MACF1: variants seen among roughly 807,000 people sequenced by gnomAD.
MACF1 encodes the protein microtubule-actin cross-linking factor 1.
A neutral mutation model predicts 854.8 loss-of-function variants in MACF1; 193 were observed. The ratio of observed to expected loss-of-function variants is 0.23; its 90% CI spans 0.20 to 0.25. The LOEUF is 0.25. Ranked by LOEUF, MACF1 falls within the 10% of genes least tolerant of loss-of-function variation. The pLI is 1.00. For missense variants in MACF1, 7,722 were observed against 8,929.1 expected, an observed-to-expected ratio of 0.86 and a Z score of 5.45; for synonymous variants, 3,185 against 3,226.7, an observed-to-expected ratio of 0.99 and a Z score of 0.44.
rs1643057190 is a variant in MACF1 at position 39,412,430 on chromosome 1, A to C, written c.15817-9944A>C. On this transcript the variant is annotated intron_variant, in intron 58 of 100. Transcript: ENST00000564288. ...GTTTGTGATGAGGATGGTGAGGCAAAAGAGCTGGATTATCAAGCCACACTT... is the reference window on the plus strand; with the variant it reads ...GTTTGTGATGAGGATGGTGAGGCAACAGAGCTGGATTATCAAGCCACACTT... 2.5e-6 allele frequency: 4 copies of C among 1,613,886 alleles called. No individual in the cohort carries two copies. In the African/African-American group the frequency reaches 4.0e-5, roughly 16 times the overall value.
chr1:39,251,565 C>T (rs1645040705), intron 3 of MACF1, among the ~76,000 whole-genome samples: 1 of 152,184 alleles, frequency 6.6e-6, no homozygotes, highest in African/African-American at 2.4e-5. Flanking sequence ...CCAGATATCT[C>T]TTTGACAGTT....
rs1646734016 is a variant in MACF1 at position 39,331,927 on chromosome 1, C to T, written c.5339C>T (p.Thr1780Ile). Reference protein sequence around the residue: ...LFAGGIVDPRTGHRLTVEEAV... With the variant: ...LFAGGIVDPRIGHRLTVEEAV... Reference sequence around the variant, plus strand: ...GCTGGTGGCATAGTAGATCCAAGAACAGGACACAGACTTACAGTGGAAGAG... The same window carrying T: ...GCTGGTGGCATAGTAGATCCAAGAATAGGACACAGACTTACAGTGGAAGAG... Residue 1780 changes from threonine to isoleucine, a missense_variant, in exon 37 of 101, where the codon ACA (threonine) becomes ATA (isoleucine). This residue lies in a region of MACF1 where 1,531 missense variants were observed against 1,601.6 expected (regional missense o/e 0.96). Transcript: ENST00000564288. 1 of 1,614,016 alleles carries T rather than the reference C, an allele frequency of 6.2e-7. No homozygotes were observed. The highest frequency in any genetic ancestry group is 8.5e-7 in the Non-Finnish European group (1 of 1,180,030).
At chr1:39,305,751 A>C (rs1036642351) in intron 23 of MACF1, among the ~76,000 whole-genome samples, 7 of 152,150 alleles carry the variant, frequency 4.6e-5, no homozygotes, top group African/African-American at 9.7e-5. Flanking sequence ...ACTTAGCTGC[A>C]GTCACTCTGG....
At chr1:39,378,272 G>C (rs961110245) in intron 52 of MACF1, among the ~76,000 whole-genome samples, 189 bp from the exon 53 acceptor site, 1 of 152,220 alleles carries the variant, frequency 6.6e-6, no homozygotes, top group East Asian at 1.9e-4. Context: ...TTCCTGCTAA[G>C]AACCTTGAGT....
At chr1:39,267,502 A>G (rs1054508697) in intron 6 of MACF1, among the ~76,000 whole-genome samples, 2 of 152,238 alleles carry the variant, frequency 1.3e-5, no homozygotes, top group African/African-American at 4.8e-5. Context: ...GAGTACTAGG[A>G]TTATAATAGG....
rs76874313 is a variant in MACF1, at chr1:39,280,945, G to A, written c.529-1263G>A. ...TGTGGGAGTTAGACAAGTAAGAATCGAAGGAAGACCAGCCTTCAAATAAGG... is the reference window on the plus strand; with the variant it reads ...TGTGGGAGTTAGACAAGTAAGAATCAAAGGAAGACCAGCCTTCAAATAAGG... On this transcript the variant is annotated intron_variant, in intron 6 of 100. Transcript: ENST00000564288. 1.7e-3 allele frequency among the ~76,000 whole-genome samples: 260 copies of A among 152,238 alleles called. 8 individuals carry two copies. In the East Asian group the frequency reaches 0.046, roughly 27 times the overall value.
At chr1:39,403,841 C>G (rs67565124) in intron 58 of MACF1, among the ~76,000 whole-genome samples, 2,251 of 62,186 alleles carry the variant, frequency 0.036, 22 homozygotes, top group African/African-American at 0.075. Flanking sequence ...AATTTTTGGG[C>G]GGGGGGGCCG....
chr1:39,477,045 GTATATATATA>G (rs745911075), intron 97 of MACF1, among the ~76,000 whole-genome samples: 1,570 of 63,664 alleles, frequency 0.025, 41 homozygotes, highest in South Asian at 0.039. Context: ...TACACTTAGT[GTATATATATA>G]TATATATATA....
intron 6 of MACF1, chr1:39,269,221 G>C (rs770833011): frequency 3.3e-4 from 422 of 1,289,868 alleles, no homozygotes; most frequent in Non-Finnish European, 4.1e-4. Context: ...TGCAGCAGCA[G>C]GGCTGTGTTG....
chr1:39,379,942 C>A (rs989266113), intron 54 of MACF1, among the ~76,000 whole-genome samples: 2 of 152,130 alleles, frequency 1.3e-5, no homozygotes, highest in Non-Finnish European at 2.9e-5. Context: ...CATCTCATCT[C>A]CTTCAAGATA....
intron 7 of MACF1, among the ~76,000 whole-genome samples, chr1:39,282,718 C>T (rs992266584): frequency 2.0e-5 from 3 of 151,902 alleles, no homozygotes; most frequent in African/African-American, 4.8e-5. Context: ...TTTTGGTGAG[C>T]GTGTTAAAGC....
chr1:39,415,561 CTG>C (rs1424939454), intron 58 of MACF1, among the ~76,000 whole-genome samples: 1 of 147,776 alleles, frequency 6.8e-6, no homozygotes, highest in African/African-American at 2.5e-5. Context: ...ACGGGTTTCA[CTG>C]TGTTAGCCAG....
intron 58 of MACF1, among the ~76,000 whole-genome samples, chr1:39,415,023 A>G (rs908228515): frequency 6.6e-6 from 1 of 152,240 alleles, no homozygotes; most frequent in African/African-American, 2.4e-5. Context: ...AAGATTACCA[A>G]TCACTGGCCA....
chr1:39,249,401 T>C (rs1256158889), intron 2 of MACF1, among the ~76,000 whole-genome samples: 2 of 152,218 alleles, frequency 1.3e-5, no homozygotes, highest in East Asian at 1.9e-4. Flanking sequence ...ATGTGAGAGA[T>C]AGATAACATA....
At chr1:39,394,990 A>G (rs1242232697) in intron 58 of MACF1, among the ~76,000 whole-genome samples, 2 of 151,994 alleles carry the variant, frequency 1.3e-5, no homozygotes, top group Admixed American at 6.6e-5. Context: ...GCTACTCCAA[A>G]TAGGAACTAG....
intron 18 of MACF1, among the ~76,000 whole-genome samples, chr1:39,294,541 AG>A (rs1320195420): frequency 1.3e-5 from 2 of 152,248 alleles, no homozygotes; most frequent in Non-Finnish European, 2.9e-5. Context: ...AACTGAAATT[AG>A]GCTATAACAG....
At chr1:39,130,736 C>T (rs142250791) in intron 2 of MACF1, among the ~76,000 whole-genome samples, 3 of 152,224 alleles carry the variant, frequency 2.0e-5, no homozygotes, top group African/African-American at 7.2e-5. Flanking sequence ...TTCAGAGATT[C>T]CTTGAGAAAA....
chr1:39,420,137 T>C (rs1643478917), intron 58 of MACF1, among the ~76,000 whole-genome samples: 1 of 152,206 alleles, frequency 6.6e-6, no homozygotes, highest in Non-Finnish European at 1.5e-5. Flanking sequence ...AATTTAAATG[T>C]CAATAGCTAT....
intron 6 of MACF1, among the ~76,000 whole-genome samples, chr1:39,270,602 G>T (rs1645297130): frequency 6.6e-6 from 1 of 152,200 alleles, no homozygotes; most frequent in South Asian, 2.1e-4. Context: ...GTGTGTGATT[G>T]TGTGGGTGAT....
Sources: allele counts gnomAD v4.1 joint callset (sites outside exome capture counted in the v4.1 genomes callset), GRCh38; gene constraint gnomAD v4.1.1; regional missense constraint gnomAD v4.1.1; transcripts MANE v1.5; gene names NCBI Gene and HGNC (gene_info 2026-07-23, HGNC 2026-07-21).